TBC1D22A: variants seen among roughly 807,000 people sequenced by gnomAD.
TBC1D22A encodes TBC1 domain family member 22A, also known as putative GTPase activator.
In TBC1D22A, 38 loss-of-function variants were observed where a neutral mutation model predicts 60.2. That is an observed-to-expected ratio of 0.63 (90% CI 0.49 to 0.83). The LOEUF (loss-of-function observed/expected upper bound fraction) is 0.83, where lower values mean the gene tolerates loss of function less well. Ranked by LOEUF, TBC1D22A falls within the 40% of genes least tolerant of loss-of-function variation. The pLI is 0.00. For synonymous variants in TBC1D22A, 302 were observed against 281.7 expected, an observed-to-expected ratio of 1.07 and a Z score of -0.72; for missense variants, 628 against 701.0, an observed-to-expected ratio of 0.90 and a Z score of 1.18.
At chr22:46,767,750 C>G (rs1286899807) in intron 1 of TBC1D22A, among the ~76,000 whole-genome samples, 1 of 152,106 alleles carries the variant, frequency 6.6e-6, no homozygotes, top group East Asian at 1.9e-4. Flanking sequence ...ACAGGCCAAC[C>G]AGGAGGCTGG....
chr22:47,172,397 G>C (rs2068517386), intron 12 of TBC1D22A, among the ~76,000 whole-genome samples: 2 of 152,354 alleles, frequency 1.3e-5, no homozygotes. Context: ...CTGGGAAGTA[G>C]AATGGGAGAA....
rs977299894 is a variant in TBC1D22A at position 46,842,910 on chromosome 22, G to A, written c.638-35743G>A. Among the ~76,000 whole-genome samples, 4 of 152,362 alleles carry A rather than the reference G, an allele frequency of 2.6e-5. No individual in the cohort carries two copies. In the East Asian group the frequency reaches 7.7e-4, roughly 29 times the overall value. On this transcript the variant is annotated intron_variant, in intron 4 of 12. Coordinates refer to ENST00000337137, the MANE Select transcript of TBC1D22A (RefSeq NM_014346.5). Reference sequence around the variant, plus strand: ...TCTGGGTGACATCGATGAGAAGGGAGCTGAAGGAGGTGCTGCGGCCCATGT... The same window carrying A: ...TCTGGGTGACATCGATGAGAAGGGAACTGAAGGAGGTGCTGCGGCCCATGT...
chr22:46,917,186 G>A (rs5769244), intron 8 of TBC1D22A, among the ~76,000 whole-genome samples: 84,546 of 152,062 alleles, frequency 0.56, 24,461 homozygotes, highest in East Asian at 0.71. Flanking sequence ...AGAGGAAACA[G>A]CAAGGCACGT....
intron 8 of TBC1D22A, among the ~76,000 whole-genome samples, chr22:46,935,482 G>C (rs191676711): frequency 6.6e-6 from 1 of 152,228 alleles, no homozygotes; most frequent in Non-Finnish European, 1.5e-5. Flanking sequence ...TGGGCAGTTT[G>C]AAAATACAGT....
At chr22:46,901,553 G>A (rs762969580) in intron 7 of TBC1D22A, among the ~76,000 whole-genome samples, 2 of 152,160 alleles carry the variant, frequency 1.3e-5, no homozygotes, top group African/African-American at 2.4e-5. Context: ...TGCTCATCGC[G>A]AGAGAGTTCT....
Position 46,779,048 on chromosome 22 carries a change from T to TA in TBC1D22A, c.63-13465dup, listed in dbSNP as rs1244146361. ...GACAAGAGCAAAACTCTGTCTCAAA[T>TA]AAAAAAACAAGTATAATACAATTAG... On this transcript the variant is annotated intron_variant, in intron 1 of 12. Transcript: ENST00000337137. 5.9e-5 allele frequency among the ~76,000 whole-genome samples: 9 copies of TA among 152,148 alleles called. No individual in the cohort carries two copies. In the South Asian group the frequency reaches 8.3e-4, roughly 14 times the overall value.
At chr22:46,928,336 T>C (rs2071165780) in intron 8 of TBC1D22A, among the ~76,000 whole-genome samples, 1 of 152,228 alleles carries the variant, frequency 6.6e-6, no homozygotes, top group African/African-American at 2.4e-5. Context: ...AATTTATGTT[T>C]TCCAACCAGT....
intron 7 of TBC1D22A, among the ~76,000 whole-genome samples, chr22:46,898,031 G>A (rs2068778506): frequency 6.6e-6 from 1 of 152,176 alleles, no homozygotes; most frequent in East Asian, 1.9e-4. Context: ...CTTTTTAGTA[G>A]TTGTGCCTAT....
Position 47,069,959 on chromosome 22 carries a change from C to T in TBC1D22A, c.1329+32761C>T, listed in dbSNP as rs900269581. On this transcript the variant is annotated intron_variant, in intron 11 of 12. Coordinates refer to ENST00000337137, the MANE Select transcript of TBC1D22A (RefSeq NM_014346.5). ...AGCAGAGCTGACCTGACGGTCCCAGCGCTGTCCCCTGTTTGGTTGGAGCGG... is the reference window on the plus strand; with the variant it reads ...AGCAGAGCTGACCTGACGGTCCCAGTGCTGTCCCCTGTTTGGTTGGAGCGG... Among the ~76,000 whole-genome samples the T allele has an allele frequency of 9.0e-5, 10 of 111,474 alleles. 1 individual carries two copies. Among genetic ancestry groups the T allele is most frequent in the Non-Finnish European group, 1.6e-4 (9 of 57,112 alleles). 73.1% of individuals were successfully genotyped at this position (111,474 alleles called of 152,430 possible). A position where few individuals can be genotyped will look rare whatever the true frequency, so the allele number is the denominator to read the frequency against.
chr22:46,864,215 A>G (rs995188146), intron 4 of TBC1D22A, among the ~76,000 whole-genome samples: 6 of 152,244 alleles, frequency 3.9e-5, no homozygotes, highest in Non-Finnish European at 7.3e-5. Flanking sequence ...CTGTTATGTT[A>G]ATGATAGCAA....
At chr22:46,903,063 T>C (rs1213621631) in intron 7 of TBC1D22A, among the ~76,000 whole-genome samples, 1 of 152,218 alleles carries the variant, frequency 6.6e-6, no homozygotes, top group African/African-American at 2.4e-5. Flanking sequence ...CTGTGATTTC[T>C]TCTATTTCCT....
chr22:47,100,459 G>A (rs572085318), intron 11 of TBC1D22A, among the ~76,000 whole-genome samples: 156 of 152,224 alleles, frequency 1.0e-3, no homozygotes, highest in African/African-American at 3.6e-3. Context: ...CTCGGGGGAC[G>A]GGTGATATGG....
chr22:47,045,442 T>C (rs932642444), intron 11 of TBC1D22A, among the ~76,000 whole-genome samples: 3 of 152,186 alleles, frequency 2.0e-5, no homozygotes, highest in Non-Finnish European at 4.4e-5. Flanking sequence ...TTGTAATCGA[T>C]AGTGGGTGAC....
At chr22:46,940,638 G>A (rs969935149) in intron 8 of TBC1D22A, among the ~76,000 whole-genome samples, 18 of 139,106 alleles carry the variant, frequency 1.3e-4, no homozygotes, top group Non-Finnish European at 1.4e-4. Context: ...ACATATATAT[G>A]TATATACACA....
intron 11 of TBC1D22A, among the ~76,000 whole-genome samples, chr22:47,090,297 A>G (rs1252735137): frequency 6.6e-6 from 1 of 151,948 alleles, no homozygotes; most frequent in East Asian, 1.9e-4. Flanking sequence ...TGACAAGGAT[A>G]TAGGCACAGG....
At chr22:46,820,536 A>T (rs113806356) in intron 4 of TBC1D22A, among the ~76,000 whole-genome samples, 89 of 152,308 alleles carry the variant, frequency 5.8e-4, no homozygotes, top group African/African-American at 2.0e-3. Context: ...CCATGAAATT[A>T]TGTGATTTTG....
intron 4 of TBC1D22A, among the ~76,000 whole-genome samples, chr22:46,866,538 TTA>T (rs1455015454): frequency 6.6e-6 from 1 of 152,246 alleles, no homozygotes; most frequent in Non-Finnish European, 1.5e-5. Context: ...AAAAGAACTG[TTA>T]CTCTTCAACA....
chr22:46,963,169 C>A (rs1427047992), intron 8 of TBC1D22A, among the ~76,000 whole-genome samples: 1 of 147,596 alleles, frequency 6.8e-6, no homozygotes, highest in Admixed American at 6.8e-5. Flanking sequence ...TGCAGTGAGC[C>A]AAGAAGGAGC....
At chr22:47,035,298 GAGGCAGCGCAC>G (rs1337964365) in intron 10 of TBC1D22A, among the ~76,000 whole-genome samples, 1 of 152,166 alleles carries the variant, frequency 6.6e-6, no homozygotes, top group Non-Finnish European at 1.5e-5. Flanking sequence ...TGTTACCGCA[GAGGCAGCGCAC>G]AGTGGTGGGG....
Sources: gnomAD v4.1 joint callset for allele counts (sites outside exome capture counted in the v4.1 genomes callset) on GRCh38, gnomAD v4.1.1 for gene constraint, MANE v1.5 for transcripts, NCBI Gene and HGNC (gene_info 2026-07-23, HGNC 2026-07-21) for gene names.